The following TENM2 variants were observed in gnomAD, a reference collection of about 807,000 sequenced individuals.
TENM2 encodes teneurin-2.
In TENM2, 52 loss-of-function variants were observed where a neutral mutation model predicts 245.2. The observed-to-expected ratio is 0.21, with a 90% CI of 0.17 to 0.27. The LOEUF is 0.27. Among genes scored for constraint, TENM2 ranks in the 10% least tolerant of loss-of-function variants. The pLI is 1.00. For synonymous variants in TENM2, 1,363 were observed against 1,438.9 expected (o/e 0.95, Z 1.19); for missense variants, 3,046 against 3,666.8 (o/e 0.83, Z 4.37).
At chr5:168,044,668 GC>G (rs1325344781) in intron 5 of TENM2, among the ~76,000 whole-genome samples, 1 of 151,998 alleles carries the variant, frequency 6.6e-6, no homozygotes, top group Admixed American at 6.6e-5. Flanking sequence ...CCTCTCTGTG[GC>G]CCTTAAGGAG....
At chr5:167,642,916 A>T (rs1171719341) in intron 2 of TENM2, among the ~76,000 whole-genome samples, 3 of 152,160 alleles carry the variant, frequency 2.0e-5, no homozygotes, top group Non-Finnish European at 4.4e-5. Flanking sequence ...AGGGTGTTGG[A>T]AATTGCCCCT....
At chr5:166,984,779 C>T in the TENM2 span, among the ~76,000 whole-genome samples, 2 of 152,130 alleles carry the variant, frequency 1.3e-5, no homozygotes, top group Admixed American at 6.5e-5. Flanking sequence ...TAACTCCTTG[C>T]AACAGACTTT....
chr5:168,217,008 TG>T, intron 22 of TENM2, 86 bp downstream of exon 24: 1 of 1,467,944 alleles, frequency 6.8e-7, no homozygotes, highest in Non-Finnish European at 9.4e-7. Context: ...GGTTTGGAAG[TG>T]GAATGGGAGG....
chr5:167,034,523 G>C, the TENM2 span, among the ~76,000 whole-genome samples: 2 of 151,284 alleles, frequency 1.3e-5, no homozygotes, highest in African/African-American at 4.8e-5. Flanking sequence ...CCAGCTACTC[G>C]GGAGGCTGAG....
At chr5:167,099,586 T>A in the TENM2 span, among the ~76,000 whole-genome samples, 1 of 152,192 alleles carries the variant, frequency 6.6e-6, no homozygotes, top group East Asian at 1.9e-4. Flanking sequence ...TCCCAGGTAC[T>A]TGGGAGGCTG....
intron 6 of TENM2, among the ~76,000 whole-genome samples, chr5:168,056,513 C>A (rs750107513): frequency 6.6e-6 from 1 of 152,190 alleles, no homozygotes; most frequent in East Asian, 1.9e-4. Flanking sequence ...ATATTCAGTA[C>A]TGGTCTCATA....
At chr5:166,979,794 G>T in the TENM2 span, among the ~76,000 whole-genome samples, 165 of 152,210 alleles carry the variant, frequency 1.1e-3, no homozygotes, top group African/African-American at 3.7e-3. Context: ...GGGGGGGAGG[G>T]GAAAGATTGC....
intron 2 of TENM2, among the ~76,000 whole-genome samples, chr5:167,573,132 C>G (rs1256288256): frequency 1.3e-5 from 2 of 151,950 alleles, no homozygotes; most frequent in African/African-American, 4.8e-5. Context: ...TTTGTTTACC[C>G]ATGGCAGTTT....
At chr5:167,750,400 C>A (rs556578966) in intron 2 of TENM2, among the ~76,000 whole-genome samples, 2 of 152,220 alleles carry the variant, frequency 1.3e-5, no homozygotes, top group South Asian at 4.1e-4. Context: ...TAATTCTTGA[C>A]AAAGGCATTG....
chr5:167,494,416 G>A (rs1259198739), intron 2 of TENM2, among the ~76,000 whole-genome samples: 2 of 152,052 alleles, frequency 1.3e-5, no homozygotes, highest in Non-Finnish European at 2.9e-5. Flanking sequence ...GAGCAAGGAG[G>A]TAATATAATC....
intron 3 of TENM2, among the ~76,000 whole-genome samples, chr5:167,898,329 G>A (rs1775389335): frequency 6.6e-6 from 1 of 152,100 alleles, no homozygotes; most frequent in African/African-American, 2.4e-5. Context: ...ATAAAGCTGT[G>A]GTTTAACCAG....
intron 9 of TENM2, among the ~76,000 whole-genome samples, chr5:168,117,613 C>T (rs1795174621): frequency 4.6e-5 from 7 of 152,172 alleles, no homozygotes; most frequent in Admixed American, 3.9e-4. Flanking sequence ...TATTTTCAGA[C>T]AGCAGTTGAC....
At chr5:168,255,170 G>A (rs1767537156) in intron 27 of TENM2, among the ~76,000 whole-genome samples, 1 of 152,204 alleles carries the variant, frequency 6.6e-6, no homozygotes, top group Non-Finnish European at 1.5e-5. Flanking sequence ...GTATACAGAT[G>A]AAGTATTAAG....
chr5:167,694,974 T>G (rs942996667), intron 2 of TENM2, among the ~76,000 whole-genome samples: 1 of 152,222 alleles, frequency 6.6e-6, no homozygotes, highest in African/African-American at 2.4e-5. Flanking sequence ...GACATGTGGA[T>G]GTATCCTGTA....
chr5:168,237,357 T>C (rs981288731), intron 25 of TENM2, among the ~76,000 whole-genome samples: 6 of 151,910 alleles, frequency 3.9e-5, no homozygotes, highest in African/African-American at 1.2e-4. Flanking sequence ...CGTTGGAACT[T>C]TAGATCATCA....
chr5:167,484,996 T>C (rs779453603), intron 2 of TENM2, among the ~76,000 whole-genome samples: 5 of 152,252 alleles, frequency 3.3e-5, no homozygotes, highest in Non-Finnish European at 5.9e-5. Flanking sequence ...GTGACCAGTA[T>C]TCTGTGTAAG....
chr5:167,613,994 A>G (rs1474720398), intron 2 of TENM2, among the ~76,000 whole-genome samples: 2 of 152,164 alleles, frequency 1.3e-5, no homozygotes, highest in African/African-American at 4.8e-5. Context: ...CCAGATTTTT[A>G]TAATAAATCA....
intron 6 of TENM2, among the ~76,000 whole-genome samples, chr5:168,050,498 G>T (rs1162680112): frequency 6.6e-6 from 1 of 151,000 alleles, no homozygotes; most frequent in Non-Finnish European, 1.5e-5. Flanking sequence ...TTTGGTGTAG[G>T]ATATTCCTTC....
intron 12 of TENM2, among the ~76,000 whole-genome samples, chr5:168,153,349 T>C (rs1013458608): frequency 1.3e-5 from 2 of 152,330 alleles, no homozygotes; most frequent in South Asian, 4.1e-4. Context: ...TAAGACCCGT[T>C]GCTTTAAACA....
Sources: allele counts gnomAD v4.1 joint callset (sites outside exome capture counted in the v4.1 genomes callset), GRCh38; gene constraint gnomAD v4.1.1; transcripts MANE v1.5; gene names NCBI Gene and HGNC (gene_info 2026-07-23, HGNC 2026-07-21).